Variants in CS observed in about 807,000 individuals in gnomAD.
The protein encoded by CS is citrate synthase.
A neutral mutation model predicts 61.4 loss-of-function variants in CS; 13 were observed. The observed-to-expected ratio is 0.21, with a 90% CI of 0.14 to 0.34. The LOEUF is 0.34. Ranked by LOEUF, CS falls within the 10% of genes least tolerant of loss-of-function variation. The pLI is 1.00. For missense variants in CS, 278 were observed against 573.4 expected (o/e 0.48, Z 5.26); for synonymous variants, 159 against 215.2 (o/e 0.74, Z 2.29).
At chr12:56,290,575 T>TAA (rs545813275) in intron 1 of CS, among the ~76,000 whole-genome samples, 1 of 147,516 alleles carries the variant, frequency 6.8e-6, no homozygotes, top group Admixed American at 6.8e-5. Flanking sequence ...ACCTGAAGCT[T>TAA]AAAAAAAAAA....
chr12:56,290,678 A>C (rs1873093833), intron 1 of CS, among the ~76,000 whole-genome samples: 1 of 147,616 alleles, frequency 6.8e-6, no homozygotes, highest in South Asian at 2.3e-4. Flanking sequence ...AACTTTATCT[A>C]ATGATGTAGA....
Position 56,275,110 on chromosome 12 carries a change from T to G in CS, c.810A>C (p.Val270=). ...TIHSDHEGGN[V]SAHTSHLVGS... The stretch of plus-strand genomic sequence containing the variant: ...CCACCAAATGGCTGGTATGGGCACT[T>G]ACATTGCCACCCTCATGGTCACTGT... The change falls in exon 8 of 11, where the codon GTA becomes GTC. Residue 270 remains valine, a synonymous_variant. Transcript: ENST00000351328. The G allele has an allele frequency of 6.2e-7, 1 of 1,614,186 alleles. No individual in the cohort carries two copies.
At position 56,272,962 on chromosome 12, in the gene CS, C is replaced by T; in HGVS notation, c.*122G>A. On this transcript the variant is annotated 3_prime_UTR_variant, in exon 11 of 11. Transcript: ENST00000351328. ...TCTTAATTTATATTTTAACCTCAAA[C>T]ATATTATCAGTGCCTCAGATATAAT... The T allele has an allele frequency of 1.6e-6, 1 of 633,344 alleles. No individual in the cohort carries two copies. The highest frequency in any genetic ancestry group is 2.8e-6 in the Non-Finnish European group (1 of 356,936). The allele number at this position is 633,344 out of a possible 1,614,324, so 39.2% of individuals were successfully genotyped here.
rs1555162652 is a variant in CS at position 56,280,440 on chromosome 12, A to AAAAAAAAACCC, written c.588+1979_588+1980insGGGTTTTTTTT. On this transcript the variant is annotated intron_variant, in intron 6 of 10. Coordinates refer to ENST00000351328, the MANE Select transcript of CS (RefSeq NM_004077.3). ...CCAAAAAAAACAAAAAAAAAAAACA[A>AAAAAAAAACCC]AAAAATTAGCCAGGAGTGGTGGTGT... 2.4e-4 allele frequency among the ~76,000 whole-genome samples: 29 copies of AAAAAAAAACCC among 119,884 alleles called. 1 individual carries two copies. Among genetic ancestry groups the AAAAAAAAACCC allele is most frequent in the Non-Finnish European group, 4.1e-4 (24 of 58,924 alleles). The allele number at this position is 119,884 out of a possible 152,430, so 78.6% of individuals were successfully genotyped here.
rs1021982190 is a variant in CS, at chr12:56,276,209, A to T, written c.589-14T>A. 3.1e-6 allele frequency: 5 copies of T among 1,611,908 alleles called. No individual in the cohort carries two copies. The highest frequency in any genetic ancestry group is 4.2e-6 in the Non-Finnish European group (5 of 1,178,272). ...TTCATAAATCAACTGACAGAAGAGG[A>T]GCAAGATGGAGAAAAAAAAAGGAAT... On this transcript the variant is annotated splice_polypyrimidine_tract_variant and intron_variant, in intron 6 of 10. Transcript: ENST00000351328.
intron 4 of CS, among the ~76,000 whole-genome samples, chr12:56,283,500 C>T (rs1410133469): frequency 6.6e-6 from 1 of 152,200 alleles, no homozygotes; most frequent in Non-Finnish European, 1.5e-5. Flanking sequence ...GCCTCAGCCT[C>T]CCAAAGTGCT....
At chr12:56,297,759 CAA>C (rs2135928150) in intron 1 of CS, among the ~76,000 whole-genome samples, 2 of 152,282 alleles carry the variant, frequency 1.3e-5, no homozygotes, top group African/African-American at 4.8e-5. Context: ...CGCTGAGACT[CAA>C]AGTGGTAAGA....
intron 1 of CS, chr12:56,291,353 C>A: frequency 4.4e-6 from 3 of 688,146 alleles, no homozygotes; most frequent in Non-Finnish European, 5.4e-6. Context: ...TTCTTTCTTT[C>A]TTTTTTTTTT....
chr12:56,275,336 A>T (rs1396186273), intron 7 of CS: 8 of 553,124 alleles, frequency 1.4e-5, no homozygotes, highest in Non-Finnish European at 2.5e-5. Context: ...GCACTTTGGG[A>T]GGCCAAGGCG....
intron 6 of CS, among the ~76,000 whole-genome samples, chr12:56,278,169 C>G (rs1001953697): frequency 3.9e-5 from 6 of 152,168 alleles, no homozygotes; most frequent in Non-Finnish European, 8.8e-5. Flanking sequence ...CTCACCCTGT[C>G]GCCCAGGCTG....
At chr12:56,275,395 A>C (rs1157233048) in intron 7 of CS, 1 of 370,582 alleles carries the variant, frequency 2.7e-6, no homozygotes, top group Non-Finnish European at 5.0e-6. Context: ...CAACATGGTG[A>C]AACCCCGTCT....
intron 1 of CS, among the ~76,000 whole-genome samples, chr12:56,295,000 A>C (rs1873251415): frequency 6.6e-6 from 1 of 151,988 alleles, no homozygotes; most frequent in African/African-American, 2.4e-5. Context: ...TCCTGACCTC[A>C]AGTGATCTGC....
chr12:56,286,707 A>C (rs1389526276), intron 1 of CS, 62 bp from the exon 2 acceptor site: 32 of 1,421,278 alleles, frequency 2.3e-5, no homozygotes, highest in Non-Finnish European at 3.2e-5. Context: ...TATTAACAAG[A>C]AGGAATTACA....
chr12:56,279,538 G>A (rs1362843468), intron 6 of CS, among the ~76,000 whole-genome samples: 3 of 151,842 alleles, frequency 2.0e-5, no homozygotes, highest in Non-Finnish European at 4.4e-5. Context: ...AGGCTGAGGC[G>A]GGTGGATCAC....
At chr12:56,276,804 A>C (rs1410298510) in intron 6 of CS, among the ~76,000 whole-genome samples, 1 of 152,184 alleles carries the variant, frequency 6.6e-6, no homozygotes, top group Non-Finnish European at 1.5e-5. Flanking sequence ...GGCCTCCCAA[A>C]GTGCTGGGAT....
At chr12:56,289,804 G>A (rs1873059668) in intron 1 of CS, among the ~76,000 whole-genome samples, 1 of 152,064 alleles carries the variant, frequency 6.6e-6, no homozygotes, top group Admixed American at 6.6e-5. Flanking sequence ...TGCCCCGGCT[G>A]GCTTTGAACT....
At chr12:56,299,895 T>C (rs1873426844) in intron 1 of CS, 1 of 418,224 alleles carries the variant, frequency 2.4e-6, no homozygotes. Flanking sequence ...ATTTCAGACA[T>C]GCGGGGTGAC....
At chr12:56,283,975 C>A (rs1003866963) in intron 3 of CS, 118 bp from the exon 4 acceptor site, 19 of 714,718 alleles carry the variant, frequency 2.7e-5, no homozygotes, top group Non-Finnish European at 4.1e-5. Context: ...TATTCTCAGA[C>A]TTGTAAGACT....
intron 1 of CS, 39 bp from the exon 2 acceptor site, chr12:56,286,684 C>T (rs760759921): frequency 2.1e-5 from 33 of 1,571,308 alleles, no homozygotes; most frequent in Non-Finnish European, 2.8e-5. Context: ...AACTGTTACC[C>T]CTCCCTCTTT....
Sources: allele counts gnomAD v4.1 joint callset (sites outside exome capture counted in the v4.1 genomes callset), GRCh38; gene constraint gnomAD v4.1.1; transcripts MANE v1.5; gene names NCBI Gene and HGNC (gene_info 2026-07-23, HGNC 2026-07-21).